Variants in PPP1R21 observed in about 807,000 individuals in gnomAD.
PPP1R21 encodes KLRAQ motif containing 1.
PPP1R21 carries 85 observed loss-of-function variants against 112.8 expected under a neutral mutation model. That is an observed-to-expected ratio of 0.75 (90% CI 0.63 to 0.90). PPP1R21 has a LOEUF of 0.90. PPP1R21 is among the 40% of genes least tolerant of loss of function. PPP1R21 has a pLI of 0.00. For synonymous variants in PPP1R21, 381 were observed against 322.3 expected (o/e 1.18, Z -1.95); for missense variants, 1,199 against 901.5 (o/e 1.33, Z -4.23).
At chr2:48,503,305 T>G (rs1310224218) in intron 17 of PPP1R21, among the ~76,000 whole-genome samples, 6 of 152,202 alleles carry the variant, frequency 3.9e-5, no homozygotes, top group Non-Finnish European at 7.4e-5. Flanking sequence ...AAATTTCAAA[T>G]CTTTTAGCAT....
At chr2:48,452,897 A>G (rs575564872) in intron 2 of PPP1R21, among the ~76,000 whole-genome samples, 12 of 151,754 alleles carry the variant, frequency 7.9e-5, no homozygotes, top group Admixed American at 2.6e-4. Context: ...TTTTCTCAAC[A>G]TGCAGGTAAT....
At chr2:48,485,227 T>C (rs1259647199) in intron 13 of PPP1R21, among the ~76,000 whole-genome samples, 2 of 151,800 alleles carry the variant, frequency 1.3e-5, no homozygotes, top group African/African-American at 2.4e-5. Flanking sequence ...ATGGGCTCAA[T>C]GGAAGCCCAA....
At chr2:48,466,418 G>A (rs1015387613) in intron 9 of PPP1R21, among the ~76,000 whole-genome samples, 4 of 151,866 alleles carry the variant, frequency 2.6e-5, no homozygotes, top group Non-Finnish European at 4.4e-5. Context: ...GTAGAGCCAG[G>A]GTTTCGCCAT....
Position 48,461,167 on chromosome 2 carries a change from A to G in PPP1R21, c.629A>G (p.Asp210Gly). 1 of 1,579,620 alleles carries G rather than the reference A, an allele frequency of 6.3e-7. No individual in the cohort carries two copies. Among genetic ancestry groups the G allele is most frequent in the Non-Finnish European group, 8.5e-7 (1 of 1,169,922 alleles). The change falls in exon 7 of 22, where the codon GAT becomes GGT. Residue 210 changes from aspartate to glycine, a missense_variant. Coordinates refer to ENST00000294952, the MANE Select transcript of PPP1R21 (RefSeq NM_001135629.3). ...TTACAGTTAAAGACTCTTCATGAAGATTTGTCAGGTAGATTAGAGGAATCC... is the reference window on the plus strand; with the variant it reads ...TTACAGTTAAAGACTCTTCATGAAGGTTTGTCAGGTAGATTAGAGGAATCC... ...CQLQLKTLHE[D>G]LSGRLEESLS...
chr2:48,453,427 A>G (rs1667571706), intron 2 of PPP1R21, among the ~76,000 whole-genome samples: 1 of 151,838 alleles, frequency 6.6e-6, no homozygotes, highest in Non-Finnish European at 1.5e-5. Context: ...TTTTGGGCTT[A>G]AGCAGTCCTC....
chr2:48,515,246 C>CTCTCTCTCTCTCTCTCTT lies in PPP1R21; in HGVS notation c.*503_*504insCTCTCTCTCTCTCTCTTT, dbSNP rs754737154. ...TCTCTCTCTCTCTCTCTCTCTCTCT[C>CTCTCTCTCTCTCTCTCTT]TTCTTTCTCTCTGAGGGAGAGGGAG... On this transcript the variant is annotated 3_prime_UTR_variant, in exon 22 of 22. Coordinates refer to ENST00000294952, the MANE Select transcript of PPP1R21 (RefSeq NM_001135629.3). 1.4e-5 allele frequency: 2 copies of CTCTCTCTCTCTCTCTCTT among 145,486 alleles called. No homozygotes were observed. The highest frequency in any genetic ancestry group is 2.2e-4 in the South Asian group (1 of 4,586). 9.0% of individuals were successfully genotyped at this position (145,486 alleles called of 1,614,324 possible).
chr2:48,475,488 C>G (rs1242478974), intron 12 of PPP1R21, among the ~76,000 whole-genome samples: 1 of 152,154 alleles, frequency 6.6e-6, no homozygotes, highest in African/African-American at 2.4e-5. Flanking sequence ...AGCTTTCCAA[C>G]AAGTAGCGTA....
intron 19 of PPP1R21, among the ~76,000 whole-genome samples, chr2:48,507,686 T>C (rs1670445702): frequency 6.7e-6 from 1 of 149,374 alleles, no homozygotes; most frequent in Admixed American, 6.7e-5. Flanking sequence ...TATTGACTAG[T>C]CTGTATACCA....
At chr2:48,484,846 A>G (rs1179928221) in intron 13 of PPP1R21, among the ~76,000 whole-genome samples, 2 of 152,234 alleles carry the variant, frequency 1.3e-5, no homozygotes, top group Non-Finnish European at 2.9e-5. Flanking sequence ...GAGAATGACT[A>G]TAATCAAGCT....
chr2:48,451,477 A>C (rs906272134), intron 2 of PPP1R21, among the ~76,000 whole-genome samples: 1 of 152,138 alleles, frequency 6.6e-6, no homozygotes, highest in Non-Finnish European at 1.5e-5. Context: ...AGTGGATTCC[A>C]TTGTGTGAAT....
chr2:48,473,518 G>C (rs1026860276), intron 11 of PPP1R21, among the ~76,000 whole-genome samples: 2 of 152,152 alleles, frequency 1.3e-5, no homozygotes, highest in African/African-American at 4.8e-5. Context: ...GGAATGTTCT[G>C]TCCCATATGC....
chr2:48,482,865 C>T (rs1295050482), intron 13 of PPP1R21, among the ~76,000 whole-genome samples: 2 of 152,020 alleles, frequency 1.3e-5, no homozygotes, highest in African/African-American at 2.4e-5. Flanking sequence ...ATTAGCTGCA[C>T]AGATCATCCC....
rs998015174 is a variant in PPP1R21 at position 48,460,025 on chromosome 2, G to C, written c.541-70G>C. 1.9e-6 allele frequency: 3 copies of C among 1,597,084 alleles called. No homozygotes were observed. In the South Asian group the frequency reaches 3.3e-5, roughly 18 times the overall value. Reference sequence around the variant, plus strand: ...TTTCTGGTGAGACTTTTGCCTGCAGGGTCTTACTAAGTGTGCTCCTATCTG... The same window carrying C: ...TTTCTGGTGAGACTTTTGCCTGCAGCGTCTTACTAAGTGTGCTCCTATCTG... On this transcript the variant is annotated intron_variant, in intron 5 of 21. Transcript: ENST00000294952.
At chr2:48,457,025 C>G (rs1213721883) in intron 3 of PPP1R21, among the ~76,000 whole-genome samples, 1 of 151,800 alleles carries the variant, frequency 6.6e-6, no homozygotes, top group Non-Finnish European at 1.5e-5. Flanking sequence ...GCACTCCAGC[C>G]TGGGCGACAG....
Position 48,511,270 on chromosome 2 carries a change from TGA to T in PPP1R21, c.2185-69_2185-68del, listed in dbSNP as rs1306117815. On this transcript the variant is annotated intron_variant, in intron 20 of 21. Coordinates refer to ENST00000294952, the MANE Select transcript of PPP1R21 (RefSeq NM_001135629.3). ...TTCCCTACTCCACATTTTTCTTTTG[TGA>T]ATTAAAAAAGCTTCAGAGTGGTACG... 2.6e-4 allele frequency: 389 copies of T among 1,478,376 alleles called. 6 individuals are homozygous for T. The East Asian group carries it at 8.6e-3, about 33-fold the overall frequency. 91.6% of individuals were successfully genotyped at this position (1,478,376 alleles called of 1,614,324 possible). A position where few individuals can be genotyped will look rare whatever the true frequency, so the allele number is the denominator to read the frequency against.
intron 21 of PPP1R21, among the ~76,000 whole-genome samples, chr2:48,511,762 T>C (rs181929270): frequency 4.5e-4 from 68 of 151,548 alleles, no homozygotes; most frequent in African/African-American, 1.5e-3. Flanking sequence ...TCCCAGCTAG[T>C]TGGGAGGCTG....
At chr2:48,448,644 A>G (rs927160232) in intron 1 of PPP1R21, among the ~76,000 whole-genome samples, 12 of 148,946 alleles carry the variant, frequency 8.1e-5, no homozygotes, top group Non-Finnish European at 1.0e-4. Context: ...CAGTATTGCT[A>G]TTTTTTTGGC....
chr2:48,500,155 C>T (rs937904701), intron 17 of PPP1R21, among the ~76,000 whole-genome samples: 3 of 152,104 alleles, frequency 2.0e-5, no homozygotes, highest in Non-Finnish European at 2.9e-5. Flanking sequence ...TGCATCTAAA[C>T]AGTGTCAGAA....
Position 48,491,151 on chromosome 2 carries a change from A to G in PPP1R21, c.1580A>G (p.Tyr527Cys), listed in dbSNP as rs550050171. 9.3e-6 allele frequency: 15 copies of G among 1,612,004 alleles called. No homozygotes were observed. Among genetic ancestry groups the G allele is most frequent in the South Asian group, 1.1e-5 (1 of 90,348 alleles). Residue 527 changes from tyrosine to cysteine, a missense_variant, in exon 15 of 22, where the codon TAT (tyrosine) becomes TGT (cysteine). By Grantham distance (194) the Tyr-to-Cys change is radical (BLOSUM62 -2). Transcript: ENST00000294952. ...CAGTATAAGAAAAAAGCTGCTGCCT[A>G]TATGAAGTCTTTGAGAAAGGTTTGT... The part of the protein sequence containing the change: ...MLQYKKKAAA[Y>C]MKSLRKPLLE...
Sources: gnomAD v4.1 joint callset for allele counts (sites outside exome capture counted in the v4.1 genomes callset) on GRCh38, gnomAD v4.1.1 for gene constraint, MANE v1.5 for transcripts, NCBI Gene and HGNC (gene_info 2026-07-23, HGNC 2026-07-21) for gene names.